STOX2: variants seen among roughly 807,000 people sequenced by gnomAD.
The protein encoded by STOX2 is storkhead-box protein 2.
In STOX2, 28 loss-of-function variants were observed where a neutral mutation model predicts 60.9. That is an observed-to-expected ratio of 0.46 (90% CI 0.34 to 0.63). The LOEUF (loss-of-function observed/expected upper bound fraction) is 0.63. Among genes scored for constraint, STOX2 ranks in the 30% least tolerant of loss-of-function variants. The pLI is 0.01. For missense variants in STOX2, 1,024 were observed against 1,187.7 expected (o/e 0.86, Z 2.03); for synonymous variants, 472 against 463.9 (o/e 1.02, Z -0.22).
At position 183,856,253 on chromosome 4, in the gene STOX2, C is replaced by G. The variant is rs546019455; in HGVS notation, c.364+58198C>G. 3.3e-5 allele frequency among the ~76,000 whole-genome samples: 5 copies of G among 151,436 alleles called. No homozygotes were observed. Among genetic ancestry groups the G allele is most frequent in the Admixed American group, 1.3e-4 (2 of 15,066 alleles). On this transcript the variant is annotated intron_variant, in intron 1 of 2. Coordinates refer to the STOX2 transcript ENST00000513034. The surrounding 1 kb of genome is among the most constrained non-coding windows in gnomAD (Gnocchi z 4.0). Reference sequence around the variant, plus strand: ...TCACGGCCCCTTTCACACATGTCGACATTACTCCCCCAAGACGAGCCTATG... The same window carrying G: ...TCACGGCCCCTTTCACACATGTCGAGATTACTCCCCCAAGACGAGCCTATG...
At chr4:183,942,783 A>G (rs1742786535) in intron 1 of STOX2, among the ~76,000 whole-genome samples, 1 of 152,250 alleles carries the variant, frequency 6.6e-6, no homozygotes, top group East Asian at 1.9e-4. Context: ...AAGATTTTCT[A>G]TATCATGTGC....
intron 1 of STOX2, among the ~76,000 whole-genome samples, chr4:183,970,915 A>G (rs1156911410): frequency 6.6e-6 from 1 of 152,232 alleles, no homozygotes; most frequent in East Asian, 1.9e-4. Flanking sequence ...TATTATCAGT[A>G]AACTGCCCTC....
chr4:183,979,675 T>C (rs778656676), intron 1 of STOX2, among the ~76,000 whole-genome samples: 1 of 152,176 alleles, frequency 6.6e-6, no homozygotes, highest in Non-Finnish European at 1.5e-5. Flanking sequence ...AAATTAAATA[T>C]TAGTTCCTCA....
chr4:183,985,763 G>C lies in STOX2; in HGVS notation c.167-15562G>C, dbSNP rs558934219. ...ACAGTGACCCAGGGCTTCCCAGAAG[G>C]CTCTTACACTGCCAGGACTACAGAT... On this transcript the variant is annotated intron_variant, in intron 1 of 3. Coordinates refer to ENST00000308497, the MANE Select transcript of STOX2 (RefSeq NM_020225.3). Among the ~76,000 whole-genome samples the C allele has an allele frequency of 3.6e-3, 555 of 152,204 alleles. 3 individuals carry two copies. The highest frequency in any genetic ancestry group is 9.0e-3 in the Admixed American group (138 of 15,286).
At chr4:183,847,910 T>C (rs1315489226) in intron 1 of STOX2, among the ~76,000 whole-genome samples, 1 of 152,120 alleles carries the variant, frequency 6.6e-6, no homozygotes, top group Non-Finnish European at 1.5e-5. Context: ...AAAGAAAACA[T>C]GTGTGAGCTA....
intron 1 of STOX2, among the ~76,000 whole-genome samples, chr4:183,848,079 A>G (rs1389979490): frequency 6.6e-6 from 1 of 152,210 alleles, no homozygotes; most frequent in African/African-American, 2.4e-5. Context: ...CAGTTCAGGT[A>G]TCTGTTCTAT....
intron 1 of STOX2, among the ~76,000 whole-genome samples, chr4:183,886,483 G>A (rs189884562): frequency 2.4e-3 from 361 of 152,194 alleles, no homozygotes; most frequent in African/African-American, 8.2e-3. Flanking sequence ...CTGCCTGCAT[G>A]TCTGTGAGTC....
Position 184,017,429 on chromosome 4 carries a change from C to CA in STOX2, c.*152dup, listed in dbSNP as rs1560949212. 3.3e-5 allele frequency: 23 copies of CA among 693,512 alleles called. No homozygotes were observed. The East Asian group carries it at 3.8e-4, about 11-fold the overall frequency. The allele number at this position is 693,512 out of a possible 1,614,324, so 43.0% of individuals were successfully genotyped here. A position where few individuals can be genotyped will look rare whatever the true frequency, so the allele number is the denominator to read the frequency against. On this transcript the variant is annotated 3_prime_UTR_variant, in exon 4 of 4. Transcript: ENST00000308497. ...ACTGTGCTGCTAAGTAGGGCTAGGG[C>CA]AAAAAAACAAAAAATCTTTATTTCA...
chr4:183,935,684 C>G (rs1398004886), intron 1 of STOX2, among the ~76,000 whole-genome samples: 1 of 152,218 alleles, frequency 6.6e-6, no homozygotes, highest in Admixed American at 6.5e-5. Flanking sequence ...GAAACAAGTA[C>G]TTATTCCTAA....
intron 1 of STOX2, among the ~76,000 whole-genome samples, chr4:183,860,442 C>CAAAAAAAAAAAAAAAAAAAAAAAA (rs35753992): frequency 8.8e-4 from 107 of 121,332 alleles, no homozygotes; most frequent in South Asian, 1.4e-3. Flanking sequence ...AAACAAAAAA[C>CAAAAAAAAAAAAAAAAAAAAAAAA]AAAAAAAAAA....
chr4:183,839,742 G>T lies in STOX2; in HGVS notation c.364+41687G>T, dbSNP rs549219797. The stretch of plus-strand genomic sequence containing the variant: ...AATTTCTATTAATTAATAATGGAAA[G>T]AATTTGAAATATATGTGAGTTGTTT... On this transcript the variant is annotated intron_variant, in intron 1 of 2. Transcript: ENST00000513034. 7.9e-5 allele frequency among the ~76,000 whole-genome samples: 12 copies of T among 152,284 alleles called. No homozygotes were observed. In the South Asian group the frequency reaches 1.0e-3, roughly 13 times the overall value.
At chr4:183,871,897 G>A (rs1449155779) in intron 1 of STOX2, among the ~76,000 whole-genome samples, 1 of 152,078 alleles carries the variant, frequency 6.6e-6, no homozygotes, top group Non-Finnish European at 1.5e-5. Flanking sequence ...TTGTAAGAGA[G>A]ATAGAGGATC....
At chr4:183,942,139 C>T (rs1372104486) in intron 1 of STOX2, among the ~76,000 whole-genome samples, 1 of 152,162 alleles carries the variant, frequency 6.6e-6, no homozygotes, top group East Asian at 1.9e-4. Context: ...ATGTTAACAG[C>T]TCTGAGATCA....
Position 183,811,425 on chromosome 4 carries a change from A to G in STOX2, c.364+13370A>G, listed in dbSNP as rs17075037. ...CAGATTTTCAGACGTTACAAGCACC[A>G]GGTATTTGATCCAGGCCTAAAGTAT... On this transcript the variant is annotated intron_variant, in intron 1 of 2. Transcript: ENST00000513034. Among the ~76,000 whole-genome samples, 431 of 152,334 alleles carry G rather than the reference A, an allele frequency of 2.8e-3. 1 individual carries two copies. The highest frequency in any genetic ancestry group is 1.0e-2 in the African/African-American group (414 of 41,566).
At chr4:183,930,729 A>C in intron 1 of STOX2, among the ~76,000 whole-genome samples, 1 of 152,226 alleles carries the variant, frequency 6.6e-6, no homozygotes, top group Non-Finnish European at 1.5e-5. Context: ...ATATGAAGCT[A>C]TATTTCTTTC....
chr4:183,930,624 C>T (rs11723315), intron 1 of STOX2, among the ~76,000 whole-genome samples: 2 of 152,126 alleles, frequency 1.3e-5, no homozygotes, highest in South Asian at 4.1e-4. Context: ...TCCCAAAGTG[C>T]TGAGATTACA....
intron 1 of STOX2, among the ~76,000 whole-genome samples, chr4:183,979,349 A>G (rs892047010): frequency 9.9e-5 from 15 of 152,176 alleles, no homozygotes; most frequent in African/African-American, 3.4e-4. Flanking sequence ...CTCCACCCCT[A>G]TGCTCCAGTC....
chr4:183,881,760 C>T (rs1163852824), intron 1 of STOX2, among the ~76,000 whole-genome samples: 3 of 152,170 alleles, frequency 2.0e-5, no homozygotes, highest in Admixed American at 6.5e-5. Context: ...AAGCCAATTT[C>T]GTAGCACGAA....
chr4:183,989,886 C>T (rs1002733101), intron 1 of STOX2, among the ~76,000 whole-genome samples: 2 of 152,174 alleles, frequency 1.3e-5, no homozygotes, highest in African/African-American at 2.4e-5. Context: ...TGGATGGTTT[C>T]AGCACTGTTA....
Sources: allele counts gnomAD v4.1 joint callset (sites outside exome capture counted in the v4.1 genomes callset), GRCh38; gene constraint gnomAD v4.1.1; non-coding constraint Gnocchi (gnomAD v3.1); transcripts MANE v1.5; gene names NCBI Gene and HGNC (gene_info 2026-07-23, HGNC 2026-07-21).